The following RSBN1L variants were observed in gnomAD, a reference collection of about 807,000 sequenced individuals.
The protein encoded by RSBN1L is lysine-specific demethylase RSBN1L.
A neutral mutation model predicts 67.7 loss-of-function variants in RSBN1L; 30 were observed. The ratio of observed to expected loss-of-function variants is 0.44; its 90% CI spans 0.33 to 0.60. The LOEUF (loss-of-function observed/expected upper bound fraction) is 0.60. RSBN1L is among the 20% of genes least tolerant of loss of function. The pLI is 0.02. For synonymous variants in RSBN1L, 433 were observed against 387.0 expected (o/e 1.12, Z -1.39); for missense variants, 992 against 1,031.7 (o/e 0.96, Z 0.53).
Position 77,773,314 on chromosome 7 carries a change from G to T in RSBN1L, c.1793G>T (p.Trp598Leu). ...CTGAAGGCTGTGCACTGTGGAGAGT[G>T]GTATATATAACTACCGCTATTTTAA... ...GVLKAVHCGEWPDQPRITKDV... is the reference protein window; with the variant it reads ...GVLKAVHCGELPDQPRITKDV... The change falls in exon 6 of 8, where the codon TGG becomes TTG. Residue 598 changes from tryptophan (W) to leucine (L), a missense_variant and splice_region_variant. Coordinates refer to ENST00000334955, the MANE Select transcript of RSBN1L (RefSeq NM_198467.3). 1 of 1,512,438 alleles carries T rather than the reference G, an allele frequency of 6.6e-7. No individual in the cohort carries two copies. The allele number at this position is 1,512,438 out of a possible 1,614,324, so 93.7% of individuals were successfully genotyped here. A position where few individuals can be genotyped will look rare whatever the true frequency, so the allele number is the denominator to read the frequency against.
rs1791981734 is a variant in RSBN1L at position 77,780,208 on chromosome 7, T to G, written c.*1040T>G. 1 of 152,070 alleles carries G rather than the reference T, an allele frequency of 6.6e-6. No individual in the cohort carries two copies. The highest frequency in any genetic ancestry group is 2.1e-4 in the South Asian group (1 of 4,834). 9.4% of individuals were successfully genotyped at this position (152,070 alleles called of 1,614,324 possible). ...GTGTGTGAATGTGTATATATATGTA[T>G]ATATATATCATATTTTGCATAATTT... On this transcript the variant is annotated 3_prime_UTR_variant, in exon 8 of 8. Transcript: ENST00000334955.
At chr7:77,738,205 T>C (rs1309034558) in intron 2 of RSBN1L, among the ~76,000 whole-genome samples, 1 of 152,160 alleles carries the variant, frequency 6.6e-6, no homozygotes, top group East Asian at 1.9e-4. Context: ...GCCTCATATG[T>C]TCTTGATTGA....
rs746174979 is a variant in RSBN1L, at chr7:77,768,646, ATTAT to A, written c.1483-10_1483-7del. 6.2e-7 allele frequency: 1 copy of A among 1,606,750 alleles called. No individual in the cohort carries two copies. Among genetic ancestry groups the A allele is most frequent in the Admixed American group, 1.7e-5 (1 of 58,656 alleles). On this transcript the variant is annotated splice_polypyrimidine_tract_variant and intron_variant, in intron 4 of 7. Coordinates refer to ENST00000334955, the MANE Select transcript of RSBN1L (RefSeq NM_198467.3). ...TTTGAAAATAATTGCAATCTGCATAATTATTTATCTCCAGTGTACACTGCCATGG... is the reference window on the plus strand; with the variant it reads ...TTTGAAAATAATTGCAATCTGCATAATTATCTCCAGTGTACACTGCCATGG...
intron 2 of RSBN1L, among the ~76,000 whole-genome samples, chr7:77,748,481 T>A (rs768092313): frequency 1.2e-4 from 19 of 152,126 alleles, no homozygotes; most frequent in Non-Finnish European, 2.5e-4. Context: ...TAGATGATTC[T>A]TTTTTTCTTT....
At chr7:77,723,865 C>T (rs949171164) in intron 1 of RSBN1L, among the ~76,000 whole-genome samples, 6 of 150,822 alleles carry the variant, frequency 4.0e-5, no homozygotes, top group South Asian at 2.2e-4. Flanking sequence ...ACCTGGGAGG[C>T]GGAGGTTGCA....
At chr7:77,764,203 G>A (rs942436303) in intron 3 of RSBN1L, among the ~76,000 whole-genome samples, 36 of 152,254 alleles carry the variant, frequency 2.4e-4, no homozygotes, top group Admixed American at 5.2e-4. Context: ...GGGACAAATT[G>A]GTCTCCTAAA....
At chr7:77,745,571 AATG>A (rs2150424359) in intron 2 of RSBN1L, among the ~76,000 whole-genome samples, 1 of 152,274 alleles carries the variant, frequency 6.6e-6, no homozygotes, top group South Asian at 2.1e-4. Context: ...TAATTTGAGA[AATG>A]AGGGAAAGCA....
At chr7:77,749,243 G>T (rs1013520821) in intron 2 of RSBN1L, among the ~76,000 whole-genome samples, 181 bp from the exon 3 acceptor site, 6 of 152,100 alleles carry the variant, frequency 3.9e-5, no homozygotes, top group African/African-American at 1.4e-4. Flanking sequence ...GACAGAGCAA[G>T]ACTCTGTCTC....
At chr7:77,775,152 C>G (rs1791897073) in intron 6 of RSBN1L, among the ~76,000 whole-genome samples, 1 of 152,212 alleles carries the variant, frequency 6.6e-6, no homozygotes, top group South Asian at 2.1e-4. Context: ...CGGTCTTGCT[C>G]TGTTGCCCAG....
At chr7:77,701,610 T>C (rs1303460241) in intron 1 of RSBN1L, among the ~76,000 whole-genome samples, 1 of 152,010 alleles carries the variant, frequency 6.6e-6, no homozygotes, top group African/African-American at 2.4e-5. Flanking sequence ...TTGGTGTTTT[T>C]CTTCACATCT....
chr7:77,716,939 C>G (rs1246447521), intron 1 of RSBN1L, among the ~76,000 whole-genome samples: 1 of 150,866 alleles, frequency 6.6e-6, no homozygotes, highest in Admixed American at 6.6e-5. Flanking sequence ...GCCACTGTGC[C>G]TGGCCTATCT....
intron 5 of RSBN1L, among the ~76,000 whole-genome samples, 154 bp from the exon 6 acceptor site, chr7:77,772,993 T>C (rs1487928917): frequency 2.0e-5 from 3 of 152,228 alleles, no homozygotes; most frequent in African/African-American, 7.2e-5. Flanking sequence ...GAGGGTATCG[T>C]ATTTGTGTTT....
At chr7:77,734,472 C>T (rs1791307020) in intron 1 of RSBN1L, among the ~76,000 whole-genome samples, 1 of 151,792 alleles carries the variant, frequency 6.6e-6, no homozygotes, top group African/African-American at 2.4e-5. Context: ...TGTGTCTAAG[C>T]TCCAGCTACT....
At position 77,749,782 on chromosome 7, in the gene RSBN1L, G is replaced by C. The variant is rs777422775; in HGVS notation, c.1062G>C (p.Gln354His). ...AACAACTCATTCATATAGAGCACCA[G>C]CCTAATGGAGGTGCATCGGTTATCC... ...EFKQLIHIEH[Q>H]PNGGASVIHA... Residue 354 changes from glutamine (Q) to histidine (H), a missense_variant, in exon 3 of 8, where the codon CAG (glutamine) becomes CAC (histidine). Gln to His is a conservative substitution (Grantham distance 24). This residue lies in a region of RSBN1L where 575 missense variants were observed against 483.2 expected (regional missense o/e 1.19). Transcript: ENST00000334955. 6.2e-7 allele frequency: 1 copy of C among 1,614,128 alleles called. No individual in the cohort carries two copies. Among genetic ancestry groups the C allele is most frequent in the Middle Eastern group, 1.6e-4 (1 of 6,062 alleles).
chr7:77,696,758 C>T lies in RSBN1L; in HGVS notation c.289C>T (p.Pro97Ser). Residue 97 changes from proline (P) to serine (S), a missense_variant, in exon 1 of 8, where the codon CCG becomes TCG. This residue lies in a region of RSBN1L where 575 missense variants were observed against 483.2 expected (regional missense o/e 1.19). Coordinates refer to ENST00000334955, the MANE Select transcript of RSBN1L (RefSeq NM_198467.3). ...SFAPLSAAPS[P>S]SSSRSSFSFS... ...TGCCCCTCTGTCTGCTGCTCCCTCC[C>T]CGTCCTCTTCTCGGAGCAGTTTCTC... The T allele has an allele frequency of 2.5e-6, 4 of 1,613,856 alleles. No individual in the cohort carries two copies. The highest frequency in any genetic ancestry group is 1.3e-5 in the African/African-American group (1 of 75,076).
intron 2 of RSBN1L, among the ~76,000 whole-genome samples, chr7:77,741,111 C>T (rs151201030): frequency 0.014 from 2,056 of 151,384 alleles, 50 homozygotes; most frequent in African/African-American, 0.046. Flanking sequence ...CTCAGCCTAC[C>T]GAGTAGCTGG....
chr7:77,774,486 T>G (rs1791886057), intron 6 of RSBN1L, among the ~76,000 whole-genome samples: 1 of 152,118 alleles, frequency 6.6e-6, no homozygotes, highest in South Asian at 2.1e-4. Flanking sequence ...CCCAGCACTT[T>G]CGGAGGCTGA....
intron 2 of RSBN1L, among the ~76,000 whole-genome samples, chr7:77,741,978 A>G (rs994993460): frequency 5.3e-5 from 8 of 151,820 alleles, no homozygotes; most frequent in African/African-American, 1.9e-4. Flanking sequence ...AGGGCCTGTG[A>G]TTTGCTGAAA....
chr7:77,742,075 A>G (rs2150422999), intron 2 of RSBN1L, among the ~76,000 whole-genome samples: 1 of 151,526 alleles, frequency 6.6e-6, no homozygotes, highest in East Asian at 2.0e-4. Context: ...CACAGCTCTT[A>G]TCCCAGCATT....
Sources: gnomAD v4.1 joint callset for allele counts (sites outside exome capture counted in the v4.1 genomes callset) on GRCh38, gnomAD v4.1.1 for gene constraint, gnomAD v4.1.1 regional missense constraint, MANE v1.5 for transcripts, NCBI Gene and HGNC (gene_info 2026-07-23, HGNC 2026-07-21) for gene names.